Variants in GNA13 observed in about 807,000 individuals in gnomAD.
GNA13 encodes G protein subunit alpha 13.
GNA13 carries 4 observed loss-of-function variants against 33.5 expected under a neutral mutation model. That is an observed-to-expected ratio of 0.12 (90% CI 0.06 to 0.27). GNA13 has a LOEUF of 0.27. Among genes scored for constraint, GNA13 ranks in the 10% least tolerant of loss-of-function variants. GNA13 has a pLI of 1.00. For synonymous variants in GNA13, 176 were observed against 183.8 expected (o/e 0.96, Z 0.34); for missense variants, 319 against 487.2 (o/e 0.65, Z 3.25).
At chr17:65,047,061 T>TA (rs1438398430) in intron 2 of GNA13, among the ~76,000 whole-genome samples, 1 of 152,102 alleles carries the variant, frequency 6.6e-6, no homozygotes, top group Admixed American at 6.5e-5. Context: ...AGTGTAAACT[T>TA]AAAGGAACTG....
chr17:65,015,853 CTT>C (rs1906349418), intron 3 of GNA13, among the ~76,000 whole-genome samples: 1 of 152,004 alleles, frequency 6.6e-6, no homozygotes, highest in Non-Finnish European at 1.5e-5. Flanking sequence ...GTGAAAAATC[CTT>C]TCTCTACTAT....
At chr17:65,047,961 ATACAC>A (rs1211426761) in intron 2 of GNA13, among the ~76,000 whole-genome samples, 2 of 152,224 alleles carry the variant, frequency 1.3e-5, no homozygotes, top group African/African-American at 4.8e-5. Context: ...GTGTTAATGA[ATACAC>A]TATCTTATCG....
chr17:65,018,445 TA>T, intron 2 of GNA13, 142 bp from the exon 3 acceptor site: 1 of 620,192 alleles, frequency 1.6e-6, no homozygotes. Context: ...CTAACCTTCC[TA>T]AAAACATATA....
chr17:65,048,322 C>A (rs1907741912), intron 2 of GNA13, among the ~76,000 whole-genome samples: 1 of 152,144 alleles, frequency 6.6e-6, no homozygotes, highest in Non-Finnish European at 1.5e-5. Context: ...CCCCTGACTC[C>A]CATCTCTTTA....
chr17:65,030,381 T>C (rs985642959), intron 2 of GNA13, among the ~76,000 whole-genome samples: 3 of 152,366 alleles, frequency 2.0e-5, no homozygotes, highest in Non-Finnish European at 4.4e-5. Flanking sequence ...TTTGAAAGGT[T>C]TGTTTTTGTC....
chr17:65,021,759 G>A (rs1906590140), intron 2 of GNA13, among the ~76,000 whole-genome samples: 1 of 152,196 alleles, frequency 6.6e-6, no homozygotes, highest in South Asian at 2.1e-4. Context: ...AAAGAGTAGA[G>A]TTTTTTAATT....
chr17:65,022,906 A>C (rs1372267251), intron 2 of GNA13, among the ~76,000 whole-genome samples: 1 of 152,238 alleles, frequency 6.6e-6, no homozygotes, highest in Non-Finnish European at 1.5e-5. Flanking sequence ...GGACACTCGG[A>C]ACAACCATCA....
rs1216339246 is a variant in GNA13, at chr17:65,010,028, A to G, written c.*4229T>C. Among the ~76,000 whole-genome samples the G allele has an allele frequency of 6.6e-6, 1 of 152,202 alleles. No individual in the cohort carries two copies. The highest frequency in any genetic ancestry group is 6.5e-5 in the Admixed American group (1 of 15,278). ...TGTAAACTTTCATCATCAACAGCAGATTTGTATATGTCACAAAACTCTCCT... is the reference window on the plus strand; with the variant it reads ...TGTAAACTTTCATCATCAACAGCAGGTTTGTATATGTCACAAAACTCTCCT... On this transcript the variant is annotated 3_prime_UTR_variant, in exon 4 of 4. Transcript: ENST00000439174.
At chr17:65,040,635 A>T (rs1370406747) in intron 2 of GNA13, among the ~76,000 whole-genome samples, 1 of 152,090 alleles carries the variant, frequency 6.6e-6, no homozygotes, top group Non-Finnish European at 1.5e-5. Flanking sequence ...CTGGGATTAC[A>T]GGTGCCCGCC....
intron 2 of GNA13, among the ~76,000 whole-genome samples, chr17:65,019,553 GAAGT>G (rs1036208275): frequency 2.0e-5 from 3 of 152,196 alleles, no homozygotes; most frequent in Non-Finnish European, 4.4e-5. Context: ...TATGTTAAGT[GAAGT>G]AAGACAGACA....
chr17:65,051,018 A>G (rs1907840307), intron 2 of GNA13, among the ~76,000 whole-genome samples: 1 of 152,184 alleles, frequency 6.6e-6, no homozygotes, highest in Non-Finnish European at 1.5e-5. Context: ...CTTTCTCAAC[A>G]ATGAGGACAT....
At chr17:65,056,235 C>T (rs1325400009) in intron 1 of GNA13, 76 bp downstream of exon 1, 3 of 967,586 alleles carry the variant, frequency 3.1e-6, no homozygotes, top group Non-Finnish European at 4.5e-6. Context: ...CGGACCAGGG[C>T]GGTGCCCCGC....
intron 2 of GNA13, among the ~76,000 whole-genome samples, chr17:65,025,980 TA>T (rs1429953370): frequency 6.6e-6 from 1 of 151,496 alleles, no homozygotes; most frequent in South Asian, 2.1e-4. Context: ...GGTAAACAGG[TA>T]AAAAAACTGC....
At chr17:65,020,256 T>C (rs1377156789) in intron 2 of GNA13, among the ~76,000 whole-genome samples, 1 of 152,238 alleles carries the variant, frequency 6.6e-6, no homozygotes. Flanking sequence ...CTAATATTAA[T>C]GTTAAGGAAC....
intron 1 of GNA13, chr17:65,055,786 A>G: frequency 1.0e-6 from 1 of 985,308 alleles, no homozygotes; most frequent in Non-Finnish European, 1.2e-6. Flanking sequence ...CGACGGTTCC[A>G]GAACTCGCTT....
At chr17:65,045,620 G>A (rs1907633010) in intron 2 of GNA13, among the ~76,000 whole-genome samples, 1 of 151,256 alleles carries the variant, frequency 6.6e-6, no homozygotes, top group South Asian at 2.1e-4. Context: ...CCTTTACCAA[G>A]CTGAATAGTG....
chr17:65,048,822 T>C (rs1349564348), intron 2 of GNA13, among the ~76,000 whole-genome samples: 1 of 152,230 alleles, frequency 6.6e-6, no homozygotes, highest in African/African-American at 2.4e-5. Flanking sequence ...TGTCAGTTTT[T>C]AATGTGCATT....
intron 3 of GNA13, among the ~76,000 whole-genome samples, chr17:65,016,745 T>G (rs1179934158): frequency 1.3e-5 from 2 of 152,222 alleles, no homozygotes; most frequent in African/African-American, 4.8e-5. Context: ...AGGACTCAAG[T>G]GTTAGCTTTT....
At chr17:65,020,682 A>C (rs1458125833) in intron 2 of GNA13, among the ~76,000 whole-genome samples, 1 of 150,658 alleles carries the variant, frequency 6.6e-6, no homozygotes, top group African/African-American at 2.5e-5. Flanking sequence ...ACAGGGTCTC[A>C]ATCTGTTGCC....
Sources: gnomAD v4.1 joint callset for allele counts (sites outside exome capture counted in the v4.1 genomes callset) on GRCh38, gnomAD v4.1.1 for gene constraint, MANE v1.5 for transcripts, NCBI Gene and HGNC (gene_info 2026-07-23, HGNC 2026-07-21) for gene names.